SGCD: variants seen among roughly 807,000 people sequenced by gnomAD.
The protein encoded by SGCD is delta-sarcoglycan.
SGCD carries 18 observed loss-of-function variants against 36.6 expected under a neutral mutation model. The observed-to-expected ratio is 0.49, with a 90% CI of 0.34 to 0.73. The LOEUF (loss-of-function observed/expected upper bound fraction) is 0.73. Among genes scored for constraint, SGCD ranks in the 30% least tolerant of loss-of-function variants. SGCD has a pLI of 0.01. For synonymous variants in SGCD, 133 were observed against 130.6 expected, an observed-to-expected ratio of 1.02 and a Z score of -0.12; for missense variants, 387 against 346.7, an observed-to-expected ratio of 1.12 and a Z score of -0.92.
chr5:156,613,038 T>G (rs1460727932), intron 6 of SGCD, among the ~76,000 whole-genome samples: 1 of 152,118 alleles, frequency 6.6e-6, no homozygotes. Context: ...TTAATCCCAG[T>G]AGAGGAGATA....
At chr5:155,809,330 C>A in the SGCD span, among the ~76,000 whole-genome samples, 1 of 152,140 alleles carries the variant, frequency 6.6e-6, no homozygotes, top group Admixed American at 6.5e-5. Flanking sequence ...ACTAAAAGAG[C>A]GAGGACAGAA....
chr5:156,742,290 A>G (rs1405827667), intron 7 of SGCD, among the ~76,000 whole-genome samples: 1 of 152,126 alleles, frequency 6.6e-6, no homozygotes, highest in Non-Finnish European at 1.5e-5. Context: ...CTAGCCCCAC[A>G]TGTCCACATT....
chr5:156,716,968 G>A (rs1434014675), intron 7 of SGCD, among the ~76,000 whole-genome samples: 1 of 152,126 alleles, frequency 6.6e-6, no homozygotes, highest in African/African-American at 2.4e-5. Flanking sequence ...GAAACAACAT[G>A]AGTCATCTTT....
At chr5:156,157,549 A>G (rs1561543505) in intron 3 of SGCD, among the ~76,000 whole-genome samples, 1 of 151,776 alleles carries the variant, frequency 6.6e-6, no homozygotes, top group Non-Finnish European at 1.5e-5. Flanking sequence ...ACAAAGGACT[A>G]GAAATGTAGT....
chr5:155,920,115 T>G (rs1756841313), intron 1 of SGCD, among the ~76,000 whole-genome samples: 1 of 152,166 alleles, frequency 6.6e-6, no homozygotes, highest in Admixed American at 6.5e-5. Flanking sequence ...ACACCCCATT[T>G]AGCCACCTCA....
At chr5:155,900,304 A>G (rs1396459123) in intron 1 of SGCD, among the ~76,000 whole-genome samples, 3 of 152,210 alleles carry the variant, frequency 2.0e-5, no homozygotes, top group Non-Finnish European at 4.4e-5. Context: ...TTTAATAAAG[A>G]TAACAAAATA....
At chr5:156,644,977 A>G (rs1763175170) in intron 6 of SGCD, among the ~76,000 whole-genome samples, 1 of 151,700 alleles carries the variant, frequency 6.6e-6, no homozygotes, top group Non-Finnish European at 1.5e-5. Context: ...AGGAGGGAAA[A>G]GAGCCCTTGA....
At chr5:155,799,855 C>T in the SGCD span, among the ~76,000 whole-genome samples, 1 of 113,674 alleles carries the variant, frequency 8.8e-6, no homozygotes, top group East Asian at 3.0e-4. Flanking sequence ...GAGTCTCACT[C>T]TCACCCAGGC....
intron 3 of SGCD, among the ~76,000 whole-genome samples, chr5:156,406,134 T>C (rs946661285): frequency 2.6e-5 from 4 of 151,938 alleles, no homozygotes; most frequent in Admixed American, 6.6e-5. Context: ...GTTCAGACCA[T>C]GGTTGGCTTG....
the SGCD span, among the ~76,000 whole-genome samples, chr5:155,824,754 T>C: frequency 6.6e-6 from 1 of 152,060 alleles, no homozygotes; most frequent in African/African-American, 2.4e-5. Context: ...TTACACTGAG[T>C]GGAGGTTGTA....
upstream of SGCD, among the ~76,000 whole-genome samples, chr5:156,325,364 TA>T (rs35117913): frequency 2.0e-5 from 3 of 147,808 alleles, no homozygotes; most frequent in Admixed American, 6.8e-5. Flanking sequence ...TTTGCTCCAT[TA>T]AAAAAAAAAG....
chr5:156,317,167 G>A (rs1272915133), intron 3 of SGCD, among the ~76,000 whole-genome samples: 1 of 152,046 alleles, frequency 6.6e-6, no homozygotes, highest in Non-Finnish European at 1.5e-5. Flanking sequence ...ATCAACTAAT[G>A]GGGTGGCTCA....
rs551946832 is a variant in SGCD at position 156,070,611 on chromosome 5, G to C, written c.-281-47267G>C. On this transcript the variant is annotated intron_variant, in intron 1 of 9. Coordinates refer to the SGCD transcript ENST00000517913. The stretch of plus-strand genomic sequence containing the variant: ...AATTCTCTTTTTTGGTTGTGTCTCT[G>C]TCAGGCTTTGGTATCAGGATGATGC... Among the ~76,000 whole-genome samples the C allele has an allele frequency of 1.8e-3, 275 of 152,152 alleles. 1 individual carries two copies. The highest frequency in any genetic ancestry group is 6.2e-3 in the African/African-American group (255 of 41,428).
intron 6 of SGCD, among the ~76,000 whole-genome samples, chr5:156,612,742 G>A (rs1335397440): frequency 6.6e-6 from 1 of 152,162 alleles, no homozygotes; most frequent in East Asian, 1.9e-4. Flanking sequence ...GAGGTGCAAT[G>A]GCTACCACCC....
intron 3 of SGCD, among the ~76,000 whole-genome samples, chr5:156,250,234 C>T (rs1347136862): frequency 6.6e-6 from 1 of 152,116 alleles, no homozygotes; most frequent in African/African-American, 2.4e-5. Context: ...CCTCTGTTAC[C>T]ACTGATATTT....
chr5:155,767,614 A>G, the SGCD span, among the ~76,000 whole-genome samples: 9 of 152,288 alleles, frequency 5.9e-5, no homozygotes, highest in East Asian at 1.7e-3. Flanking sequence ...GGCAGGAAGT[A>G]CAGTGGAGCA....
At chr5:156,336,222 C>A (rs145520492) in intron 2 of SGCD, among the ~76,000 whole-genome samples, 55 of 152,346 alleles carry the variant, frequency 3.6e-4, no homozygotes, top group Admixed American at 1.3e-4. Context: ...TGTCCAGTTT[C>A]CTCTGACTGA....
chr5:156,267,151 G>A (rs116433871), intron 3 of SGCD, among the ~76,000 whole-genome samples: 2 of 152,142 alleles, frequency 1.3e-5, no homozygotes, highest in Admixed American at 1.3e-4. Flanking sequence ...TCATTGTGCA[G>A]AACTAGTTAC....
intron 4 of SGCD, among the ~76,000 whole-genome samples, chr5:156,542,453 A>G (rs1275533496): frequency 6.6e-6 from 1 of 152,196 alleles, no homozygotes; most frequent in Non-Finnish European, 1.5e-5. Flanking sequence ...TATCAGAATG[A>G]TTTATCTACA....
Sources: gnomAD v4.1 joint callset for allele counts (sites outside exome capture counted in the v4.1 genomes callset) on GRCh38, gnomAD v4.1.1 for gene constraint, MANE v1.5 for transcripts, NCBI Gene and HGNC (gene_info 2026-07-23, HGNC 2026-07-21) for gene names.